The following TMEM120B variants were observed in gnomAD, a reference collection of about 807,000 sequenced individuals.
The protein encoded by TMEM120B is transmembrane protein 120B.
Under a neutral mutation model 55.5 loss-of-function variants are expected in TMEM120B, and 31 were observed. The ratio of observed to expected loss-of-function variants is 0.56; its 90% confidence interval spans 0.42 to 0.75. The LOEUF (loss-of-function observed/expected upper bound fraction) is 0.75, where lower values mean the gene tolerates loss of function less well. Among genes scored for constraint, TMEM120B ranks in the 30% least tolerant of loss-of-function variants. The pLI, the probability that TMEM120B is intolerant of heterozygous loss-of-function variation, is 0.00. For missense variants in TMEM120B, 399 were observed against 425.5 expected (o/e 0.94, Z 0.55); for synonymous variants, 203 against 176.3 (o/e 1.15, Z -1.20).
At chr12:121,726,104 A>T (rs910085241) in intron 1 of TMEM120B, among the ~76,000 whole-genome samples, 1 of 151,306 alleles carries the variant, frequency 6.6e-6, no homozygotes. Context: ...GTGGGTTAGG[A>T]AGAAGGGGAG....
At position 121,764,159 on chromosome 12, in the gene TMEM120B, C is replaced by CAA. The variant is rs202126889; in HGVS notation, c.551+2421_551+2422insAA. ...GCAACAAAATAAGATTTCATCTTTA[C>CAA]CAAAAAAAAAAAAAAAAAATTAGCT... is the stretch of plus-strand genomic sequence containing the variant. On this transcript the variant is annotated intron_variant, in intron 6 of 11. Coordinates refer to ENST00000449592, the MANE Select transcript of TMEM120B (RefSeq NM_001080825.2). 2.3e-3 allele frequency among the ~76,000 whole-genome samples: 320 copies of CAA among 140,936 alleles called. 3 individuals carry two copies. Among genetic ancestry groups the CAA allele is most frequent in the African/African-American group, 8.3e-3 (295 of 35,666 alleles). The allele number at this position is 140,936 out of a possible 152,430, so 92.5% of individuals were successfully genotyped here.
At chr12:121,714,522 A>G (rs1894659112) in intron 1 of TMEM120B, among the ~76,000 whole-genome samples, 1 of 143,160 alleles carries the variant, frequency 7.0e-6, no homozygotes, top group South Asian at 2.2e-4. Context: ...CTGAGATTAC[A>G]GGCATGAGCC....
chr12:121,765,648 C>T (rs1006681900), intron 6 of TMEM120B, among the ~76,000 whole-genome samples: 1 of 152,094 alleles, frequency 6.6e-6, no homozygotes, highest in African/African-American at 2.4e-5. Context: ...TCATTTTTTG[C>T]ACCAACCTAA....
intron 5 of TMEM120B, chr12:121,758,004 A>T: frequency 4.3e-6 from 1 of 232,500 alleles, no homozygotes; most frequent in Non-Finnish European, 7.1e-6. Context: ...CTGTATTCCC[A>T]CCTACTTAGG....
intron 1 of TMEM120B, among the ~76,000 whole-genome samples, chr12:121,734,921 G>GA (rs1405322648): frequency 2.0e-4 from 28 of 142,496 alleles, no homozygotes; most frequent in Non-Finnish European, 2.3e-4. Flanking sequence ...CTCAAAAAAA[G>GA]AAAAAAAAAA....
chr12:121,745,166 G>A (rs137927069), intron 2 of TMEM120B, among the ~76,000 whole-genome samples: 53 of 152,278 alleles, frequency 3.5e-4, no homozygotes, highest in African/African-American at 1.3e-3. Context: ...CAGTTGAGAA[G>A]TGCTGGGTTA....
chr12:121,781,070 AG>A lies in TMEM120B; in HGVS notation c.*5350del. The A allele has an allele frequency of 6.2e-7, 1 of 1,614,090 alleles. No homozygotes were observed. The highest frequency in any genetic ancestry group is 8.5e-7 in the Non-Finnish European group (1 of 1,179,952). ...CCCAGATGTGGGGCCACCACCCAGG[AG>A]GCCGGCCTCACCTTGATGAGGACGT... On this transcript the variant is annotated 3_prime_UTR_variant, in exon 12 of 12. Coordinates refer to ENST00000449592, the MANE Select transcript of TMEM120B (RefSeq NM_001080825.2).
chr12:121,718,332 A>G (rs927783629), intron 1 of TMEM120B, among the ~76,000 whole-genome samples: 1 of 151,832 alleles, frequency 6.6e-6, no homozygotes, highest in Admixed American at 6.6e-5. Context: ...AAACAAACAA[A>G]CAAACAAAAA....
At chr12:121,762,557 G>C (rs1279913384) in intron 6 of TMEM120B, among the ~76,000 whole-genome samples, 2 of 152,202 alleles carry the variant, frequency 1.3e-5, no homozygotes, top group Non-Finnish European at 2.9e-5. Context: ...GCAGTGCTGT[G>C]ACTGGCCAGG....
intron 1 of TMEM120B, among the ~76,000 whole-genome samples, chr12:121,735,489 C>T (rs1279202167): frequency 4.0e-5 from 6 of 151,428 alleles, no homozygotes; most frequent in African/African-American, 1.5e-4. Context: ...ACCTCCGCGT[C>T]CTGGGATCAA....
intron 5 of TMEM120B, among the ~76,000 whole-genome samples, chr12:121,753,905 C>T (rs1873405060): frequency 6.6e-6 from 1 of 152,210 alleles, no homozygotes; most frequent in Admixed American, 6.5e-5. Flanking sequence ...CGTGGAGGCG[C>T]TGCTGGGGGT....
rs545138959 is a variant in TMEM120B at position 121,714,381 on chromosome 12, G to A, written c.69+1417G>A. Among the ~76,000 whole-genome samples the A allele has an allele frequency of 2.0e-5, 3 of 151,232 alleles. No homozygotes were observed. In the South Asian group the frequency reaches 6.3e-4, roughly 32 times the overall value. On this transcript the variant is annotated intron_variant, in intron 1 of 11. Coordinates refer to ENST00000449592, the MANE Select transcript of TMEM120B (RefSeq NM_001080825.2). ...GAGCCATTCTCTGCCTCAGCCTCCT[G>A]AGTAGCTGGAATTACGGGTGTGCGC...
intron 5 of TMEM120B, among the ~76,000 whole-genome samples, chr12:121,753,532 C>T (rs982600948): frequency 1.3e-5 from 2 of 151,904 alleles, no homozygotes; most frequent in Non-Finnish European, 2.9e-5. Flanking sequence ...GATTGTGCCA[C>T]TGCACTCCAG....
intron 5 of TMEM120B, among the ~76,000 whole-genome samples, chr12:121,752,898 G>C (rs1873373437): frequency 6.6e-6 from 1 of 152,042 alleles, no homozygotes; most frequent in Non-Finnish European, 1.5e-5. Context: ...TCAGGAGTTT[G>C]AGCCTATCCT....
chr12:121,726,294 C>T (rs918651323), intron 1 of TMEM120B, among the ~76,000 whole-genome samples: 1 of 151,640 alleles, frequency 6.6e-6, no homozygotes, highest in African/African-American at 2.4e-5. Flanking sequence ...AAAAATAATG[C>T]TTCGGCTGGG....
At chr12:121,727,892 AG>A (rs1233560249) in intron 1 of TMEM120B, among the ~76,000 whole-genome samples, 13 of 150,188 alleles carry the variant, frequency 8.7e-5, no homozygotes, top group East Asian at 2.0e-4. Flanking sequence ...AAAAAAAAAA[AG>A]AGATTGGTAA....
At chr12:121,742,823 C>T (rs1872973618) in intron 1 of TMEM120B, among the ~76,000 whole-genome samples, 1 of 152,202 alleles carries the variant, frequency 6.6e-6, no homozygotes, top group Non-Finnish European at 1.5e-5. Context: ...GATCTACCTG[C>T]CTCAGCCTCC....
rs1368593715 is a variant in TMEM120B, at chr12:121,780,828, C to T, written c.*5106C>T. 1 of 1,589,456 alleles carries T rather than the reference C, an allele frequency of 6.3e-7. No homozygotes were observed. Among genetic ancestry groups the T allele is most frequent in the Non-Finnish European group, 8.6e-7 (1 of 1,168,946 alleles). On this transcript the variant is annotated 3_prime_UTR_variant, in exon 12 of 12. Transcript: ENST00000449592. ...TTGCAGAGGCCAAAGGTCCGGGAGGCTTCACAGCCACGGCTGTGCCCCAGG... is the reference window on the plus strand; with the variant it reads ...TTGCAGAGGCCAAAGGTCCGGGAGGTTTCACAGCCACGGCTGTGCCCCAGG...
chr12:121,751,069 TCCACACTCACACC>T (rs1873299751), intron 4 of TMEM120B, among the ~76,000 whole-genome samples: 1 of 37,706 alleles, frequency 2.7e-5, no homozygotes. Flanking sequence ...CATATCACAC[TCCACACTCACACC>T]CCACACCTAC....
Sources: gnomAD v4.1 joint callset for allele counts (sites outside exome capture counted in the v4.1 genomes callset) on GRCh38, gnomAD v4.1.1 for gene constraint, MANE v1.5 for transcripts, NCBI Gene and HGNC (gene_info 2026-07-23, HGNC 2026-07-21) for gene names.